GRM7: variants seen among roughly 807,000 people sequenced by gnomAD.
The protein encoded by GRM7 is glutamate metabotropic receptor 7, also known as metabotropic glutamate receptor 7.
A neutral mutation model predicts 84.5 loss-of-function variants in GRM7; 35 were observed. The ratio of observed to expected loss-of-function variants is 0.41; its 90% CI spans 0.32 to 0.55. The LOEUF (loss-of-function observed/expected upper bound fraction) is 0.55, where lower values mean the gene tolerates loss of function less well. GRM7 is among the 20% of genes least tolerant of loss of function. The pLI is 0.19. For synonymous variants in GRM7, 487 were observed against 455.1 expected, an observed-to-expected ratio of 1.07 and a Z score of -0.89; for missense variants, 1,003 against 1,194.6, an observed-to-expected ratio of 0.84 and a Z score of 2.36.
At chr3:7,264,784 T>A (rs1698572217) in intron 2 of GRM7, among the ~76,000 whole-genome samples, 1 of 34 alleles carries the variant, frequency 0.029, no homozygotes, top group South Asian at 0.25. Context: ...CTATGGTATC[T>A]TCCAGTACTG....
chr3:7,578,357 T>C, intron 7 of GRM7, 65 bp from the exon 8 acceptor site: 1 of 1,051,646 alleles, frequency 9.5e-7, no homozygotes, highest in South Asian at 1.5e-5. Flanking sequence ...TGTTTGCTGC[T>C]GGTGTTCTTT....
chr3:7,521,368 G>A (rs530870761), intron 7 of GRM7, among the ~76,000 whole-genome samples: 1 of 152,340 alleles, frequency 6.6e-6, no homozygotes, highest in South Asian at 2.1e-4. Context: ...TATGGTAGTA[G>A]AAGGTGAGGC....
At chr3:7,641,915 C>T (rs937287506) in intron 8 of GRM7, among the ~76,000 whole-genome samples, 5 of 149,942 alleles carry the variant, frequency 3.3e-5, no homozygotes, top group Non-Finnish European at 7.4e-5. Context: ...ACTCTCCTAC[C>T]ATGTTTACTT....
intron 2 of GRM7, among the ~76,000 whole-genome samples, chr3:7,211,681 GA>G (rs960648123): frequency 1.4e-5 from 2 of 141,206 alleles, no homozygotes; most frequent in Non-Finnish European, 3.0e-5. Flanking sequence ...ACACTGAAGG[GA>G]AAAAATTCTT....
chr3:6,902,477 G>A (rs1319960679), intron 1 of GRM7, among the ~76,000 whole-genome samples: 1 of 152,024 alleles, frequency 6.6e-6, no homozygotes, highest in Non-Finnish European at 1.5e-5. Context: ...AAAAATTTGA[G>A]TTACAGAAAA....
At chr3:7,262,064 T>C (rs1698449988) in intron 2 of GRM7, among the ~76,000 whole-genome samples, 1 of 151,884 alleles carries the variant, frequency 6.6e-6, no homozygotes, top group Non-Finnish European at 1.5e-5. Flanking sequence ...CTTCCCTTTG[T>C]AGATTACCTG....
At chr3:7,564,426 A>G (rs764248958) in intron 7 of GRM7, among the ~76,000 whole-genome samples, 8 of 152,146 alleles carry the variant, frequency 5.3e-5, no homozygotes, top group African/African-American at 1.4e-4. Context: ...TGCTCATGTT[A>G]TTATCTAGTC....
At chr3:7,061,059 G>A (rs1166891947) in intron 1 of GRM7, among the ~76,000 whole-genome samples, 3 of 151,698 alleles carry the variant, frequency 2.0e-5, no homozygotes, top group Non-Finnish European at 2.9e-5. Context: ...GTTAGTACAG[G>A]CATTTTTTGA....
intron 8 of GRM7, among the ~76,000 whole-genome samples, chr3:7,661,215 G>T (rs1161342973): frequency 6.6e-6 from 1 of 152,124 alleles, no homozygotes; most frequent in Admixed American, 6.6e-5. Context: ...GTCTGATAAA[G>T]GGCCTATATT....
At chr3:7,571,509 G>A (rs905241010) in intron 7 of GRM7, among the ~76,000 whole-genome samples, 8 of 151,716 alleles carry the variant, frequency 5.3e-5, no homozygotes, top group Non-Finnish European at 1.0e-4. Flanking sequence ...CCTTGCTCCA[G>A]TTCCCAACAA....
At chr3:7,189,092 C>T (rs537817584) in intron 2 of GRM7, among the ~76,000 whole-genome samples, 10 of 152,140 alleles carry the variant, frequency 6.6e-5, no homozygotes, top group South Asian at 2.1e-4. Context: ...TTAACTCAGC[C>T]GGGAGCTGAT....
chr3:7,588,143 T>C (rs1695608266), intron 8 of GRM7, among the ~76,000 whole-genome samples: 2 of 152,238 alleles, frequency 1.3e-5, no homozygotes, highest in South Asian at 4.1e-4. Context: ...CTAGAAATAC[T>C]GCCCATATAC....
intron 7 of GRM7, among the ~76,000 whole-genome samples, chr3:7,540,833 A>T (rs552682767): frequency 1.3e-5 from 2 of 152,330 alleles, no homozygotes; most frequent in Non-Finnish European, 2.9e-5. Flanking sequence ...ATCATTACAA[A>T]TTTGCAGTAT....
chr3:7,113,925 T>C (rs968155928), intron 1 of GRM7, among the ~76,000 whole-genome samples: 4 of 152,192 alleles, frequency 2.6e-5, no homozygotes, highest in Non-Finnish European at 4.4e-5. Flanking sequence ...CTATAAATTA[T>C]CTCATTTTGT....
chr3:7,339,395 C>A (rs535371543), intron 4 of GRM7, among the ~76,000 whole-genome samples: 1 of 152,090 alleles, frequency 6.6e-6, no homozygotes, highest in South Asian at 2.1e-4. Flanking sequence ...AGCAATTGAC[C>A]ACAGGGTTCA....
chr3:6,962,620 T>A (rs1693345223), intron 1 of GRM7, among the ~76,000 whole-genome samples: 1 of 152,030 alleles, frequency 6.6e-6, no homozygotes, highest in South Asian at 2.1e-4. Flanking sequence ...ATAATGCAGG[T>A]GAGAAGTGGT....
At chr3:7,638,967 C>T (rs17724180) in intron 8 of GRM7, among the ~76,000 whole-genome samples, 23,629 of 152,162 alleles carry the variant, frequency 0.16, 1,978 homozygotes, top group Non-Finnish European at 0.18. Context: ...GCTTGTCTTC[C>T]CAGGTTTTCC....
chr3:7,344,913 A>G (rs1051723512), intron 4 of GRM7, among the ~76,000 whole-genome samples: 20 of 152,288 alleles, frequency 1.3e-4, no homozygotes, highest in Middle Eastern at 3.4e-3. Context: ...AAACTGGACG[A>G]GAGGATTTTT....
chr3:6,907,509 G>T (rs1028469115), intron 1 of GRM7, among the ~76,000 whole-genome samples: 4 of 152,130 alleles, frequency 2.6e-5, no homozygotes, highest in African/African-American at 4.8e-5. Flanking sequence ...TAAAGAAAAA[G>T]CTAGAGATTA....
Sources: gnomAD v4.1 joint callset for allele counts (sites outside exome capture counted in the v4.1 genomes callset) on GRCh38, gnomAD v4.1.1 for gene constraint, MANE v1.5 for transcripts, NCBI Gene and HGNC (gene_info 2026-07-23, HGNC 2026-07-21) for gene names.